Variants in CAMSAP3 observed in about 807,000 individuals in gnomAD.
The protein encoded by CAMSAP3 is calmodulin-regulated spectrin-associated protein 3.
Under a neutral mutation model 112.5 loss-of-function variants are expected in CAMSAP3, and 34 were observed. The observed-to-expected ratio is 0.30, with a 90% CI of 0.23 to 0.40. The LOEUF (loss-of-function observed/expected upper bound fraction) is 0.40. Ranked by LOEUF, CAMSAP3 falls within the 10% of genes least tolerant of loss-of-function variation. The pLI, the probability that CAMSAP3 is intolerant of heterozygous loss-of-function variation, is 1.00. For synonymous variants in CAMSAP3, 868 were observed against 799.8 expected, an observed-to-expected ratio of 1.09 and a Z score of -1.44; for missense variants, 1,602 against 1,770.3, an observed-to-expected ratio of 0.90 and a Z score of 1.71.
In CAMSAP3 at chr19:7,610,968, G is replaced by C; in HGVS notation, c.1049+37G>C. On this transcript the variant is annotated intron_variant, in intron 8 of 16. Coordinates refer to ENST00000160298, the MANE Select transcript of CAMSAP3 (RefSeq NM_020902.2). The surrounding 1 kb of genome is among the most constrained non-coding windows in gnomAD (Gnocchi z 4.9). ...ACACTGGGCGAGTCTCTGGCATTGT[G>C]GGTGTGGGGCTCCATGTCTGCCTTG... The C allele has an allele frequency of 6.3e-7, 1 of 1,575,650 alleles. No homozygotes were observed. The highest frequency in any genetic ancestry group is 8.6e-7 in the Non-Finnish European group (1 of 1,156,238).
At chr19:7,606,691 T>C (rs1423194895) in intron 4 of CAMSAP3, 120 bp downstream of exon 4, 18 of 1,587,092 alleles carry the variant, frequency 1.1e-5, no homozygotes, top group Non-Finnish European at 1.6e-5. Context: ...ACTCTCTCTT[T>C]CTTCCCCCCT....
At chr19:7,616,364 C>T in intron 13 of CAMSAP3, 159 bp from the exon 14 acceptor site, 1 of 591,174 alleles carries the variant, frequency 1.7e-6, no homozygotes, top group Non-Finnish European at 3.1e-6. Context: ...GGCAAAGCAT[C>T]CTCCCTCATA....
chr19:7,611,861 G>C lies in CAMSAP3; in HGVS notation c.1368G>C (p.Leu456=). 1 of 1,565,880 alleles carries C rather than the reference G, an allele frequency of 6.4e-7. No individual in the cohort carries two copies. Among genetic ancestry groups the C allele is most frequent in the Non-Finnish European group, 8.7e-7 (1 of 1,155,362 alleles). ...AGCCACCCCCGGAGCCTGGTGACCT[G>C]CCCACCATCGAGGAAGCTCTGCAGA... The part of the protein sequence containing the change: ...PTQPPPEPGD[L]PTIEEALQII... The change falls in exon 11 of 17, where the codon CTG becomes CTC. Residue 456 remains leucine, a synonymous_variant. Transcript: ENST00000160298. This position sits in a 1 kb window ranked among gnomAD's most constrained non-coding sequence, Gnocchi z 6.9.
chr19:7,617,306 C>T lies in CAMSAP3; in HGVS notation c.3213-20C>T. On this transcript the variant is annotated intron_variant, in intron 14 of 16. Transcript: ENST00000160298. This position sits in a 1 kb window ranked among gnomAD's most constrained non-coding sequence, Gnocchi z 7.5. ...ATCCCATCCTGACCCCACCTCCATCCCATCCTTCTCCCACTGCAGGGCTCC... is the reference window on the plus strand; with the variant it reads ...ATCCCATCCTGACCCCACCTCCATCTCATCCTTCTCCCACTGCAGGGCTCC... 1.3e-6 allele frequency: 2 copies of T among 1,574,732 alleles called. No homozygotes were observed. Among genetic ancestry groups the T allele is most frequent in the African/African-American group, 1.3e-5 (1 of 74,214 alleles).
Position 7,606,392 on chromosome 19 carries a change from C to T in CAMSAP3, c.524C>T (p.Thr175Met). The change falls in exon 3 of 17, where the codon ACG becomes ATG. Residue 175 changes from threonine (T) to methionine (M), a missense_variant and splice_region_variant. Coordinates refer to ENST00000160298, the MANE Select transcript of CAMSAP3 (RefSeq NM_020902.2). Reference protein sequence around the residue: ...LEHKLLFWVDTTVRRLQEKTE... With the variant: ...LEHKLLFWVDMTVRRLQEKTE... Reference sequence around the variant, plus strand: ...CACAAGCTGCTTTTCTGGGTGGACACGGTAGGTGGGGTTGGGCCTGGGGTG... The same window carrying T: ...CACAAGCTGCTTTTCTGGGTGGACATGGTAGGTGGGGTTGGGCCTGGGGTG... 2.5e-6 allele frequency: 4 copies of T among 1,609,688 alleles called. No individual in the cohort carries two copies. The highest frequency in any genetic ancestry group is 2.2e-5 in the South Asian group (2 of 90,992).
At chr19:7,606,148 C>CA in intron 2 of CAMSAP3, 123 bp from the exon 3 acceptor site, 33 of 344,632 alleles carry the variant, frequency 9.6e-5, no homozygotes, top group South Asian at 2.3e-4. Flanking sequence ...CCCGCCCCCT[C>CA]AAGCCCCACC....
Position 7,618,254 on chromosome 19 carries a change from G to T in CAMSAP3, c.*197G>T, listed in dbSNP as rs1052552353. On this transcript the variant is annotated 3_prime_UTR_variant, in exon 17 of 17. Coordinates refer to ENST00000160298, the MANE Select transcript of CAMSAP3 (RefSeq NM_020902.2). ...GTTCAGGGACTCAGGGCTCAGCTCA[G>T]TCCCCTTGTCTGTCCTCCCCCACTT... 2.4e-5 allele frequency: 14 copies of T among 593,242 alleles called. No individual in the cohort carries two copies. In the African/African-American group the frequency reaches 2.6e-4, roughly 11 times the overall value. The allele number at this position is 593,242 out of a possible 1,614,324, so 36.7% of individuals were successfully genotyped here. A position where few individuals can be genotyped will look rare whatever the true frequency, so the allele number is the denominator to read the frequency against.
At chr19:7,606,604 G>A (rs1413582926) in intron 4 of CAMSAP3, 33 bp downstream of exon 4, 1 of 1,518,390 alleles carries the variant, frequency 6.6e-7, no homozygotes. Context: ...TCAGAAGGAT[G>A]GGGGACCGGA....
At chr19:7,601,764 T>TGAA (rs2029979310) in intron 1 of CAMSAP3, among the ~76,000 whole-genome samples, 1 of 132,642 alleles carries the variant, frequency 7.5e-6, no homozygotes, top group Non-Finnish European at 1.6e-5. Flanking sequence ...AATGAATAAA[T>TGAA]AAAATAAAAA....
Position 7,617,624 on chromosome 19 carries a change from G to A in CAMSAP3, c.3407G>A (p.Gly1136Asp). ...GCCCTATCACACTGCTGCCTGGCGGGCAAGGTGAACGAACCGCAGAAGAAT... is the reference window on the plus strand; with the variant it reads ...GCCCTATCACACTGCTGCCTGGCGGACAAGGTGAACGAACCGCAGAAGAAT... ...HNALSHCCLA[G>D]KVNEPQKNRI... The change falls in exon 16 of 17, where the codon GGC becomes GAC. Residue 1136 changes from glycine (G) to aspartate (D), a missense_variant. Physicochemically the swap from Gly to Asp is moderately conservative, Grantham distance 94. Transcript: ENST00000160298. This position sits in a 1 kb window ranked among gnomAD's most constrained non-coding sequence, Gnocchi z 7.5. 1.2e-6 allele frequency: 2 copies of A among 1,614,194 alleles called. No homozygotes were observed. The highest frequency in any genetic ancestry group is 1.7e-6 in the Non-Finnish European group (2 of 1,180,036).
chr19:7,606,607 G>C (rs1157428655), intron 4 of CAMSAP3, 36 bp downstream of exon 4: 1 of 1,517,794 alleles, frequency 6.6e-7, no homozygotes, highest in Non-Finnish European at 8.8e-7. Flanking sequence ...GAAGGATGGG[G>C]GACCGGAGAT....
At position 7,610,295 on chromosome 19, in the gene CAMSAP3, G is replaced by T. The variant is rs1268456155; in HGVS notation, c.761-181G>T. ...ATTGCGCCACTGCACTACAGCCTGG[G>T]TGACAGAGCGAGACTCCATCTCAAA... On this transcript the variant is annotated intron_variant, in intron 5 of 16. Transcript: ENST00000160298. This position sits in a 1 kb window ranked among gnomAD's most constrained non-coding sequence, Gnocchi z 4.9. Among the ~76,000 whole-genome samples the T allele has an allele frequency of 6.7e-6, 1 of 150,272 alleles. No individual in the cohort carries two copies. The highest frequency in any genetic ancestry group is 6.6e-5 in the Admixed American group (1 of 15,058).
rs752543972 is a variant in CAMSAP3 at position 7,617,510 on chromosome 19, C to T, written c.3326-33C>T. ...CCACAGCCCCTGCTCATTCCTGCTGCCCCCCACCCCCTCCCACTGCCTCAC... is the reference window on the plus strand; with the variant it reads ...CCACAGCCCCTGCTCATTCCTGCTGTCCCCCACCCCCTCCCACTGCCTCAC... On this transcript the variant is annotated intron_variant, in intron 15 of 16. Transcript: ENST00000160298. The surrounding 1 kb of genome is among the most constrained non-coding windows in gnomAD (Gnocchi z 7.5). 4 of 1,596,644 alleles carry T rather than the reference C, an allele frequency of 2.5e-6. No individual in the cohort carries two copies. The highest frequency in any genetic ancestry group is 1.7e-5 in the Admixed American group (1 of 59,950).
chr19:7,596,291 C>T (rs1376300594), intron 1 of CAMSAP3, 141 bp downstream of exon 1: 3 of 270,908 alleles, frequency 1.1e-5, no homozygotes, highest in African/African-American at 2.3e-5. Flanking sequence ...GGCTCGGGCC[C>T]CTGCCGCGCC....
At chr19:7,603,729 G>A (rs935015421) in intron 1 of CAMSAP3, among the ~76,000 whole-genome samples, 6 of 151,994 alleles carry the variant, frequency 3.9e-5, no homozygotes, top group Admixed American at 1.3e-4. Context: ...ACGTGCCTGC[G>A]GTCCCAGCTA....
chr19:7,601,181 T>C (rs949647226), intron 1 of CAMSAP3, among the ~76,000 whole-genome samples: 17 of 152,236 alleles, frequency 1.1e-4, no homozygotes, highest in African/African-American at 3.1e-4. Flanking sequence ...ATTTTTATGT[T>C]GATTACATGT....
At chr19:7,598,368 C>T (rs1332021711) in intron 1 of CAMSAP3, among the ~76,000 whole-genome samples, 2 of 152,024 alleles carry the variant, frequency 1.3e-5, no homozygotes, top group African/African-American at 4.8e-5. Context: ...GGAGGCTGGT[C>T]AGACTGAGGA....
intron 1 of CAMSAP3, 133 bp from the exon 2 acceptor site, chr19:7,605,093 C>A: frequency 1.6e-6 from 1 of 638,370 alleles, no homozygotes. Context: ...TCCCCTTTCT[C>A]CTTTCCCAAT....
chr19:7,599,627 CCCACT>C (rs2029866462), intron 1 of CAMSAP3, among the ~76,000 whole-genome samples: 1 of 80,860 alleles, frequency 1.2e-5, no homozygotes. Context: ...ATCCACCCAC[CCCACT>C]CATCCATCCA....
Sources: allele counts gnomAD v4.1 joint callset (sites outside exome capture counted in the v4.1 genomes callset), GRCh38; gene constraint gnomAD v4.1.1; non-coding constraint Gnocchi (gnomAD v3.1); transcripts MANE v1.5; gene names NCBI Gene and HGNC (gene_info 2026-07-23, HGNC 2026-07-21).